The following MAST4 variants were observed in gnomAD, a reference collection of about 807,000 sequenced individuals.
The protein encoded by MAST4 is microtubule-associated serine/threonine-protein kinase 4.
A neutral mutation model predicts 162.7 loss-of-function variants in MAST4; 89 were observed. The ratio of observed to expected loss-of-function variants is 0.55; its 90% CI spans 0.46 to 0.65. The LOEUF (loss-of-function observed/expected upper bound fraction) is 0.65, where lower values mean the gene tolerates loss of function less well. Ranked by LOEUF, MAST4 falls within the 30% of genes least tolerant of loss-of-function variation. The pLI, the probability that MAST4 is intolerant of heterozygous loss-of-function variation, is 0.00. For synonymous variants in MAST4, 1,479 were observed against 1,361.1 expected (o/e 1.09, Z -1.91); for missense variants, 3,153 against 3,374.0 (o/e 0.93, Z 1.62).
At chr5:66,941,344 C>G (rs537146031) in intron 4 of MAST4, among the ~76,000 whole-genome samples, 1 of 152,260 alleles carries the variant, frequency 6.6e-6, no homozygotes, top group South Asian at 2.1e-4. Context: ...TTTAGTGTAG[C>G]TAGATCTTCT....
chr5:66,741,629 T>C (rs74710064), intron 1 of MAST4, among the ~76,000 whole-genome samples: 137 of 152,246 alleles, frequency 9.0e-4, no homozygotes, highest in East Asian at 2.7e-3. Flanking sequence ...TTAGTGGATA[T>C]AGTGGTTTGA....
chr5:67,167,009 G>A lies in MAST4; in HGVS notation c.7830G>A (p.Gly2610=), dbSNP rs780849887. 6.2e-7 allele frequency: 1 copy of A among 1,606,754 alleles called. No individual in the cohort carries two copies. Among genetic ancestry groups the A allele is most frequent in the Non-Finnish European group, 8.5e-7 (1 of 1,176,772 alleles). The part of the protein sequence containing the change: ...EKDFVVRQRR[G]KESLRSSPHK... The stretch of plus-strand genomic sequence containing the variant: ...ACTTTGTGGTACGGCAGAGGCGGGG[G>A]AAAGAGAGTTTGCGTAGCAGCCCTC... The change falls in exon 29 of 29, where the codon GGG becomes GGA. Residue 2610 remains glycine, a synonymous_variant. Coordinates refer to ENST00000403625, the MANE Select transcript of MAST4 (RefSeq NM_001164664.2).
chr5:66,754,752 TGTG>T (rs1250043129), intron 1 of MAST4, among the ~76,000 whole-genome samples: 1 of 152,148 alleles, frequency 6.6e-6, no homozygotes, highest in Non-Finnish European at 1.5e-5. Flanking sequence ...TCATATGTCA[TGTG>T]GTGATAGATG....
At chr5:67,069,132 T>C (rs535062079) in intron 5 of MAST4, among the ~76,000 whole-genome samples, 9 of 152,058 alleles carry the variant, frequency 5.9e-5, no homozygotes, top group African/African-American at 1.9e-4. Context: ...TTTAATTACA[T>C]GGACTCTGCT....
intron 3 of MAST4, among the ~76,000 whole-genome samples, chr5:66,791,956 G>T (rs550367933): frequency 1.3e-5 from 2 of 152,020 alleles, no homozygotes; most frequent in African/African-American, 2.4e-5. Flanking sequence ...TTATTTTGAC[G>T]TGTCACTCAA....
intron 1 of MAST4, among the ~76,000 whole-genome samples, chr5:66,612,216 C>T (rs1218490071): frequency 2.0e-5 from 3 of 152,168 alleles, no homozygotes; most frequent in African/African-American, 7.2e-5. Flanking sequence ...TGCAGTGTTT[C>T]TTTTTCTTTC....
At chr5:66,976,901 C>T (rs778169403) in intron 4 of MAST4, among the ~76,000 whole-genome samples, 2 of 152,148 alleles carry the variant, frequency 1.3e-5, no homozygotes, top group Non-Finnish European at 2.9e-5. Flanking sequence ...GACCCCTATT[C>T]TCAACTTCTT....
intron 4 of MAST4, among the ~76,000 whole-genome samples, chr5:66,984,685 G>A (rs1749264330): frequency 6.6e-6 from 1 of 151,482 alleles, no homozygotes; most frequent in African/African-American, 2.4e-5. Flanking sequence ...TGAAATTGGA[G>A]AGAAGTAGAT....
chr5:66,708,721 C>A (rs1750304253), intron 1 of MAST4, among the ~76,000 whole-genome samples: 1 of 152,102 alleles, frequency 6.6e-6, no homozygotes, highest in Admixed American at 6.5e-5. Flanking sequence ...TGTTGCAAAC[C>A]CGTTTAGTAG....
intron 5 of MAST4, among the ~76,000 whole-genome samples, chr5:67,080,134 T>A (rs1247936878): frequency 6.6e-6 from 1 of 152,208 alleles, no homozygotes; most frequent in African/African-American, 2.4e-5. Flanking sequence ...AGCATTCCAT[T>A]GCATCCATTG....
chr5:67,114,605 C>A (rs1489328648), intron 12 of MAST4: 1 of 186,070 alleles, frequency 5.4e-6, no homozygotes, highest in African/African-American at 2.4e-5. Flanking sequence ...ATTAATTAAA[C>A]TGACATTTAA....
chr5:66,743,571 T>A (rs1419637614), intron 1 of MAST4, among the ~76,000 whole-genome samples: 1 of 152,104 alleles, frequency 6.6e-6, no homozygotes, highest in Non-Finnish European at 1.5e-5. Flanking sequence ...ACAGGCTGCG[T>A]TTCAGTGGCA....
In MAST4 at chr5:66,664,502, G is replaced by A. The variant is rs79721755; in HGVS notation, c.363+67484G>A. 3.3e-3 allele frequency among the ~76,000 whole-genome samples: 479 copies of A among 146,318 alleles called. 4 individuals are homozygous for A. Among genetic ancestry groups the A allele is most frequent in the African/African-American group, 0.012 (457 of 39,060 alleles). ...TTTTGACCATATTAACTTTGATGAT[G>A]GGCTTACAAGACAGCCAAGTGTAGC... is the stretch of plus-strand genomic sequence containing the variant. On this transcript the variant is annotated intron_variant, in intron 1 of 28. Coordinates refer to ENST00000403625, the MANE Select transcript of MAST4 (RefSeq NM_001164664.2).
chr5:67,009,029 AC>A (rs1430512280), intron 4 of MAST4, among the ~76,000 whole-genome samples: 1 of 151,976 alleles, frequency 6.6e-6, no homozygotes, highest in African/African-American at 2.4e-5. Context: ...CACCCCTTTT[AC>A]CCAAATCCCA....
intron 10 of MAST4, among the ~76,000 whole-genome samples, chr5:67,105,391 G>A (rs1765484089): frequency 6.6e-6 from 1 of 152,076 alleles, no homozygotes; most frequent in Non-Finnish European, 1.5e-5. Flanking sequence ...CCTAATTTTT[G>A]AGAACTCTAT....
At position 66,652,577 on chromosome 5, in the gene MAST4, A is replaced by G. The variant is rs760992938; in HGVS notation, c.363+55559A>G. Among the ~76,000 whole-genome samples the G allele has an allele frequency of 3.3e-5, 5 of 152,206 alleles. No individual in the cohort carries two copies. In the South Asian group the frequency reaches 6.2e-4, roughly 19 times the overall value. On this transcript the variant is annotated intron_variant, in intron 1 of 28. Transcript: ENST00000403625. ...AAAAGATGTAAAAAACAATTTATCT[A>G]TCTACCTAAATATCCATGTTGCCTA...
intron 1 of MAST4, among the ~76,000 whole-genome samples, chr5:66,705,404 T>A (rs1299865826): frequency 6.6e-6 from 1 of 152,206 alleles, no homozygotes; most frequent in African/African-American, 2.4e-5. Flanking sequence ...ATATAGGGAT[T>A]TTTTTAAAGA....
intron 1 of MAST4, among the ~76,000 whole-genome samples, chr5:66,644,121 A>C (rs1220575078): frequency 6.6e-6 from 1 of 151,346 alleles, no homozygotes; most frequent in East Asian, 1.9e-4. Context: ...AGAAAAGTCC[A>C]GTTTGACTTG....
chr5:66,936,969 C>A (rs913385104), intron 4 of MAST4, among the ~76,000 whole-genome samples: 2 of 152,140 alleles, frequency 1.3e-5, no homozygotes, highest in Non-Finnish European at 2.9e-5. Flanking sequence ...CACTACAGTG[C>A]GGCTTTAATT....
Sources: allele counts gnomAD v4.1 joint callset (sites outside exome capture counted in the v4.1 genomes callset), GRCh38; gene constraint gnomAD v4.1.1; transcripts MANE v1.5; gene names NCBI Gene and HGNC (gene_info 2026-07-23, HGNC 2026-07-21).